Variants in FSTL4 observed in about 807,000 individuals in gnomAD.
FSTL4 encodes follistatin like 4, also known as follistatin-related protein 4.
A neutral mutation model predicts 78.2 loss-of-function variants in FSTL4; 28 were observed. The ratio of observed to expected loss-of-function variants is 0.36; its 90% CI spans 0.27 to 0.49. The LOEUF (loss-of-function observed/expected upper bound fraction) is 0.49, where lower values mean the gene tolerates loss of function less well. FSTL4 is among the 20% of genes least tolerant of loss of function. The pLI, the probability that FSTL4 is intolerant of heterozygous loss-of-function variation, is 0.98. For missense variants in FSTL4, 922 were observed against 1,084.9 expected (o/e 0.85, Z 2.11); for synonymous variants, 422 against 440.5 (o/e 0.96, Z 0.53).
At chr5:133,738,520 C>T in the FSTL4 span, among the ~76,000 whole-genome samples, 2 of 152,132 alleles carry the variant, frequency 1.3e-5, no homozygotes, top group Non-Finnish European at 2.9e-5. Flanking sequence ...GATCCCCTCC[C>T]CTGCATGCAC....
In FSTL4 at chr5:133,608,313, C is replaced by T. The variant is rs191922866; in HGVS notation, c.-11+4012G>A. Among the ~76,000 whole-genome samples the T allele has an allele frequency of 2.6e-5, 4 of 152,318 alleles. No homozygotes were observed. In the East Asian group the frequency reaches 7.7e-4, roughly 29 times the overall value. ...AGTCATAAAGTACACTGACTTGATG[C>T]TTTAACCATCTTGTTTGGAAGGGAG... On this transcript the variant is annotated intron_variant, in intron 1 of 15. Transcript: ENST00000265342.
the FSTL4 span, among the ~76,000 whole-genome samples, chr5:133,730,774 G>C: frequency 1.3e-5 from 2 of 152,156 alleles, no homozygotes; most frequent in African/African-American, 4.8e-5. Context: ...ATTTCATCTT[G>C]GCTAAAGAAA....
chr5:133,413,123 C>T (rs1486417128), intron 3 of FSTL4, among the ~76,000 whole-genome samples: 6 of 151,916 alleles, frequency 3.9e-5, no homozygotes, highest in Non-Finnish European at 5.9e-5. Flanking sequence ...ATAATTAAGC[C>T]AAAGTCTATA....
intron 4 of FSTL4, among the ~76,000 whole-genome samples, chr5:133,326,629 T>A (rs781400529): frequency 6.6e-6 from 1 of 152,186 alleles, no homozygotes; most frequent in Non-Finnish European, 1.5e-5. Context: ...GGTGCCCCAC[T>A]CCTGGCAGAC....
At chr5:133,766,528 C>A in the FSTL4 span, among the ~76,000 whole-genome samples, 1 of 152,184 alleles carries the variant, frequency 6.6e-6, no homozygotes, top group Non-Finnish European at 1.5e-5. Flanking sequence ...TTTTAAGAGC[C>A]TTTCTTGGCC....
At chr5:133,317,957 T>C (rs1753949580) in intron 4 of FSTL4, among the ~76,000 whole-genome samples, 2 of 152,210 alleles carry the variant, frequency 1.3e-5, no homozygotes, top group Non-Finnish European at 2.9e-5. Context: ...TGTTTCTCTC[T>C]TCCTCCCTTC....
intron 3 of FSTL4, among the ~76,000 whole-genome samples, chr5:133,517,536 A>G (rs1758889992): frequency 7.0e-6 from 1 of 143,850 alleles, no homozygotes; most frequent in South Asian, 2.3e-4. Flanking sequence ...TAATACTAAA[A>G]GAAAATATAA....
At chr5:133,518,213 G>A (rs748483170) in intron 3 of FSTL4, among the ~76,000 whole-genome samples, 42 of 152,044 alleles carry the variant, frequency 2.8e-4, no homozygotes, top group Non-Finnish European at 5.0e-4. Context: ...AAAGACAAAC[G>A]ACAAATTGGG....
At chr5:133,227,057 G>A (rs933300058) in intron 8 of FSTL4, among the ~76,000 whole-genome samples, 1 of 152,114 alleles carries the variant, frequency 6.6e-6, no homozygotes, top group African/African-American at 2.4e-5. Context: ...TTGATCTGTG[G>A]GACACAGTTG....
intron 3 of FSTL4, among the ~76,000 whole-genome samples, chr5:133,434,554 A>G (rs1257411061): frequency 6.6e-6 from 1 of 152,208 alleles, no homozygotes; most frequent in Non-Finnish European, 1.5e-5. Flanking sequence ...CTGCTTTGAC[A>G]AACAAAGCTA....
chr5:133,429,119 C>T (rs1321232850), intron 3 of FSTL4, among the ~76,000 whole-genome samples: 4 of 152,144 alleles, frequency 2.6e-5, no homozygotes, highest in Admixed American at 1.3e-4. Context: ...AGGGCCCTAA[C>T]CTGGGTCCCA....
At chr5:133,579,907 G>A (rs146401119) in intron 2 of FSTL4, among the ~76,000 whole-genome samples, 8 of 152,314 alleles carry the variant, frequency 5.3e-5, no homozygotes, top group South Asian at 2.1e-4. Flanking sequence ...TGGGGCCAGC[G>A]GTGATTGATC....
At chr5:133,348,326 G>C (rs1314387802) in intron 4 of FSTL4, among the ~76,000 whole-genome samples, 1 of 152,238 alleles carries the variant, frequency 6.6e-6, no homozygotes, top group East Asian at 1.9e-4. Context: ...CTAAGCAGAG[G>C]CACTGGGGAG....
At chr5:133,355,452 C>A (rs1754920178) in intron 4 of FSTL4, among the ~76,000 whole-genome samples, 1 of 151,956 alleles carries the variant, frequency 6.6e-6, no homozygotes, top group Non-Finnish European at 1.5e-5. Flanking sequence ...GGTCAAGAGA[C>A]CGAGACCATC....
intron 4 of FSTL4, among the ~76,000 whole-genome samples, chr5:133,320,546 T>C (rs1274831267): frequency 6.6e-6 from 1 of 152,110 alleles, no homozygotes; most frequent in Non-Finnish European, 1.5e-5. Context: ...GAAATCCACC[T>C]CCCAGATGCA....
the FSTL4 span, among the ~76,000 whole-genome samples, chr5:133,721,388 T>C: frequency 1.1e-4 from 16 of 152,362 alleles, no homozygotes; most frequent in African/African-American, 3.8e-4. Context: ...TACTTTCATA[T>C]ATATTCATGA....
intron 4 of FSTL4, among the ~76,000 whole-genome samples, chr5:133,358,409 T>C (rs1754987273): frequency 6.6e-6 from 1 of 151,942 alleles, no homozygotes. Flanking sequence ...TTACGTGTTG[T>C]TCTCCCAGTG....
At chr5:133,431,268 T>G (rs1232876353) in intron 3 of FSTL4, among the ~76,000 whole-genome samples, 2 of 152,216 alleles carry the variant, frequency 1.3e-5, no homozygotes, top group African/African-American at 4.8e-5. Flanking sequence ...GGCAACACAT[T>G]CTCTGATGCT....
At chr5:133,775,486 C>T in the FSTL4 span, among the ~76,000 whole-genome samples, 1 of 152,110 alleles carries the variant, frequency 6.6e-6, no homozygotes, top group East Asian at 1.9e-4. Context: ...GTCAGTAGTG[C>T]TGAAGTTGAG....
Sources: allele counts gnomAD v4.1 joint callset (sites outside exome capture counted in the v4.1 genomes callset), GRCh38; gene constraint gnomAD v4.1.1; transcripts MANE v1.5; gene names NCBI Gene and HGNC (gene_info 2026-07-23, HGNC 2026-07-21).